SORCS1: variants seen among roughly 807,000 people sequenced by gnomAD.
SORCS1 encodes sortilin related VPS10 domain containing receptor 1, also known as VPS10 domain-containing receptor SorCS1.
A neutral mutation model predicts 146.1 loss-of-function variants in SORCS1; 60 were observed. The ratio of observed to expected loss-of-function variants is 0.41; its 90% CI spans 0.33 to 0.51. The LOEUF (loss-of-function observed/expected upper bound fraction) is 0.51. Among genes scored for constraint, SORCS1 ranks in the 20% least tolerant of loss-of-function variants. The probability of loss-of-function intolerance (pLI) is 0.21; values close to 1 mark genes in which losing one functional copy is unlikely to be tolerated. For synonymous variants in SORCS1, 637 were observed against 584.0 expected (o/e 1.09, Z -1.31); for missense variants, 1,352 against 1,487.6 (o/e 0.91, Z 1.50).
chr10:106,892,072 T>C (rs766321016), intron 2 of SORCS1, among the ~76,000 whole-genome samples: 7 of 152,190 alleles, frequency 4.6e-5, no homozygotes, highest in Non-Finnish European at 7.3e-5. Context: ...CACAAAGCCT[T>C]CTCCATGTCT....
chr10:106,633,773 C>T (rs1848571218), intron 18 of SORCS1, among the ~76,000 whole-genome samples: 1 of 152,106 alleles, frequency 6.6e-6, no homozygotes, highest in African/African-American at 2.4e-5. Context: ...TGATTCTGGG[C>T]CTTTGATATC....
chr10:107,046,817 A>G (rs924601301), intron 1 of SORCS1, among the ~76,000 whole-genome samples: 13 of 152,202 alleles, frequency 8.5e-5, no homozygotes, highest in African/African-American at 3.1e-4. Context: ...AGGACCCAAA[A>G]CACTGGGTCT....
chr10:106,605,117 T>C (rs958013771), intron 23 of SORCS1, among the ~76,000 whole-genome samples: 3 of 152,244 alleles, frequency 2.0e-5, no homozygotes, highest in African/African-American at 7.2e-5. Flanking sequence ...GCAAGCTAGT[T>C]AGTTTCAGAT....
chr10:107,040,916 T>C (rs564467733), intron 1 of SORCS1, among the ~76,000 whole-genome samples: 1 of 152,312 alleles, frequency 6.6e-6, no homozygotes, highest in East Asian at 1.9e-4. Flanking sequence ...AATAATCTCA[T>C]ACACAGCCCA....
intron 6 of SORCS1, among the ~76,000 whole-genome samples, chr10:106,728,311 T>C (rs984094530): frequency 2.4e-5 from 1 of 41,644 alleles, no homozygotes; most frequent in African/African-American, 4.1e-5. Flanking sequence ...TAAGAAAATA[T>C]TGATCTGTTA....
intron 1 of SORCS1, among the ~76,000 whole-genome samples, chr10:107,023,763 A>G (rs1275344227): frequency 6.6e-6 from 1 of 152,198 alleles, no homozygotes; most frequent in African/African-American, 2.4e-5. Flanking sequence ...TCAAATATTT[A>G]CAAATTAAGA....
chr10:107,042,889 C>T (rs942509959), intron 1 of SORCS1, among the ~76,000 whole-genome samples: 3 of 152,146 alleles, frequency 2.0e-5, no homozygotes, highest in Admixed American at 1.3e-4. Flanking sequence ...GGATTACAGG[C>T]ATGAGCCTTG....
At position 106,891,501 on chromosome 10, in the gene SORCS1, A is replaced by ATTTTTTTTTTTTTTTTTTTTTTTTTT. The variant is rs562213104; in HGVS notation, c.627-61829_627-61828insAAAAAAAAAAAAAAAAAAAAAAAAAA. Among the ~76,000 whole-genome samples, 146 of 73,954 alleles carry ATTTTTTTTTTTTTTTTTTTTTTTTTT rather than the reference A, an allele frequency of 2.0e-3. 4 individuals are homozygous for ATTTTTTTTTTTTTTTTTTTTTTTTTT. The highest frequency in any genetic ancestry group is 3.0e-3 in the Non-Finnish European group (105 of 34,852). The allele number at this position is 73,954 out of a possible 152,430, so 48.5% of individuals were successfully genotyped here. On this transcript the variant is annotated intron_variant, in intron 2 of 25. Transcript: ENST00000263054. ...AAAGTAATCAGAAGTTTCAATGGGA[A>ATTTTTTTTTTTTTTTTTTTTTTTTTT]TTCTTTTTTTTTTTTTGAGAAAAGA...
At chr10:106,767,304 C>G (rs1484240383) in intron 4 of SORCS1, among the ~76,000 whole-genome samples, 1 of 152,106 alleles carries the variant, frequency 6.6e-6, no homozygotes, top group Non-Finnish European at 1.5e-5. Flanking sequence ...AAATGCCCTA[C>G]AGTTGAGGGT....
At position 106,608,423 on chromosome 10, in the gene SORCS1, A is replaced by G. The variant is rs554883273; in HGVS notation, c.3034-1126T>C. Among the ~76,000 whole-genome samples, 6 of 152,178 alleles carry G rather than the reference A, an allele frequency of 3.9e-5. No individual in the cohort carries two copies. In the South Asian group the frequency reaches 6.2e-4, roughly 16 times the overall value. On this transcript the variant is annotated intron_variant, in intron 22 of 25. Transcript: ENST00000263054. Reference sequence around the variant, plus strand: ...TTCATTATTTCCCAATTAGGTGATTATTTGTTTTTGAACTCCACTGTGCTG... The same window carrying G: ...TTCATTATTTCCCAATTAGGTGATTGTTTGTTTTTGAACTCCACTGTGCTG...
intron 3 of SORCS1, among the ~76,000 whole-genome samples, chr10:106,794,400 C>A (rs1946446136): frequency 6.6e-6 from 1 of 151,880 alleles, no homozygotes; most frequent in Non-Finnish European, 1.5e-5. Flanking sequence ...TCAAACAGAA[C>A]AACAAACAGA....
chr10:106,720,709 G>A (rs150416189), intron 6 of SORCS1, among the ~76,000 whole-genome samples: 234 of 151,956 alleles, frequency 1.5e-3, no homozygotes, highest in African/African-American at 5.2e-3. Context: ...CTAGATCTTT[G>A]TCCTAAAGTT....
intron 2 of SORCS1, among the ~76,000 whole-genome samples, chr10:106,862,963 G>A (rs1018863867): frequency 2.0e-5 from 3 of 151,982 alleles, no homozygotes; most frequent in Admixed American, 1.3e-4. Flanking sequence ...ATATGCAAAG[G>A]CACCTTCAAC....
chr10:107,179,411 C>T, the SORCS1 span, among the ~76,000 whole-genome samples: 1 of 152,118 alleles, frequency 6.6e-6, no homozygotes, highest in Admixed American at 6.5e-5. Context: ...TTCCTAGAAA[C>T]CGTTAATTTG....
At chr10:107,054,289 G>C (rs1051183438) in intron 1 of SORCS1, among the ~76,000 whole-genome samples, 29 of 152,162 alleles carry the variant, frequency 1.9e-4, no homozygotes, top group Non-Finnish European at 3.5e-4. Context: ...TGATAGGTTG[G>C]TGAGGCAGAC....
At chr10:107,076,491 A>G (rs544800872) in intron 1 of SORCS1, among the ~76,000 whole-genome samples, 2 of 152,326 alleles carry the variant, frequency 1.3e-5, no homozygotes, top group East Asian at 1.9e-4. Context: ...AACACACAAT[A>G]TTTGAACAAA....
chr10:106,636,536 G>A (rs575094515), intron 18 of SORCS1, among the ~76,000 whole-genome samples: 3 of 152,152 alleles, frequency 2.0e-5, no homozygotes, highest in African/African-American at 7.2e-5. Flanking sequence ...AATCATAGTG[G>A]AAGGGAAAGC....
At chr10:106,869,578 C>T (rs570929235) in intron 2 of SORCS1, among the ~76,000 whole-genome samples, 2 of 152,154 alleles carry the variant, frequency 1.3e-5, no homozygotes, top group South Asian at 4.2e-4. Flanking sequence ...ATAAATAGAA[C>T]TAAAGACAAA....
chr10:106,702,333 C>A (rs1458236539), intron 8 of SORCS1, among the ~76,000 whole-genome samples: 1 of 152,202 alleles, frequency 6.6e-6, no homozygotes, highest in Non-Finnish European at 1.5e-5. Context: ...TAAAATATCT[C>A]AACAATAACC....
Sources: allele counts gnomAD v4.1 joint callset (sites outside exome capture counted in the v4.1 genomes callset), GRCh38; gene constraint gnomAD v4.1.1; transcripts MANE v1.5; gene names NCBI Gene and HGNC (gene_info 2026-07-23, HGNC 2026-07-21).